Variants in CFAP157 observed in about 807,000 individuals in gnomAD.
CFAP157 encodes the protein cilia and flagella associated protein 157.
A neutral mutation model predicts 57.8 loss-of-function variants in CFAP157; 43 were observed. That is an observed-to-expected ratio of 0.74 (90% confidence interval 0.58 to 0.96). The LOEUF (loss-of-function observed/expected upper bound fraction) is 0.96, where lower values mean the gene tolerates loss of function less well. CFAP157 is among the 40% of genes least tolerant of loss of function. The pLI, the probability that CFAP157 is intolerant of heterozygous loss-of-function variation, is 0.00. For missense variants in CFAP157, 606 were observed against 655.3 expected (o/e 0.92, Z 0.82); for synonymous variants, 267 against 269.0 (o/e 0.99, Z 0.07).
chr9:127,713,293 C>A, intron 8 of CFAP157, 87 bp downstream of exon 8: 1 of 1,026,920 alleles, frequency 9.7e-7, no homozygotes, highest in Non-Finnish European at 1.4e-6. Flanking sequence ...AGCTGTGTGG[C>A]CCTGGGGATG....
chr9:127,707,323 C>A, intron 1 of CFAP157, 131 bp downstream of exon 1: 1 of 897,072 alleles, frequency 1.1e-6, no homozygotes, highest in Non-Finnish European at 1.6e-6. Context: ...AGACCCCATC[C>A]CGACCCCAGC....
intron 3 of CFAP157, 145 bp from the exon 4 acceptor site, chr9:127,711,084 C>T (rs1009814169): frequency 1.5e-5 from 15 of 1,003,698 alleles, no homozygotes; most frequent in Non-Finnish European, 1.9e-5. Flanking sequence ...ACAGGGAAAG[C>T]CTCCCACCCA....
At chr9:127,708,795 A>G (rs1447683875) in intron 1 of CFAP157, among the ~76,000 whole-genome samples, 1 of 152,264 alleles carries the variant, frequency 6.6e-6, no homozygotes, top group Non-Finnish European at 1.5e-5. Context: ...AATGTGGCTC[A>G]GGGCCAAGAA....
chr9:127,713,251 C>G (rs773251319), intron 8 of CFAP157, 45 bp downstream of exon 8: 12 of 1,421,816 alleles, frequency 8.4e-6, no homozygotes, highest in Non-Finnish European at 1.1e-5. Flanking sequence ...GGCAGCTAGT[C>G]CTGGGTACAA....
intron 3 of CFAP157, 73 bp from the exon 4 acceptor site, chr9:127,711,156 A>G: frequency 6.5e-7 from 1 of 1,547,544 alleles, no homozygotes; most frequent in Non-Finnish European, 8.7e-7. Flanking sequence ...TGCTCTGGGA[A>G]CCTCACAAAG....
rs1412180895 is a variant in CFAP157 at position 127,714,843 on chromosome 9, C to G, written c.*938C>G. 3 of 1,030,192 alleles carry G rather than the reference C, an allele frequency of 2.9e-6. No homozygotes were observed. In the East Asian group the frequency reaches 7.8e-5, roughly 27 times the overall value. The allele number at this position is 1,030,192 out of a possible 1,614,324, so 63.8% of individuals were successfully genotyped here. On this transcript the variant is annotated 3_prime_UTR_variant, in exon 9 of 9. Coordinates refer to ENST00000373295, the MANE Select transcript of CFAP157 (RefSeq NM_001012502.3). Reference sequence around the variant, plus strand: ...GCCCCCCGAAGTACCCAAAGCCATGCAGCAACTGGAGCTCAACAGGTACTT... The same window carrying G: ...GCCCCCCGAAGTACCCAAAGCCATGGAGCAACTGGAGCTCAACAGGTACTT...
rs1240872337 is a variant in CFAP157 at position 127,713,177 on chromosome 9, G to T, written c.1462G>T (p.Gly488Trp). Residue 488 changes from glycine (G) to tryptophan (W), a missense_variant, in exon 8 of 9, where the codon GGG becomes TGG. Coordinates refer to ENST00000373295, the MANE Select transcript of CFAP157 (RefSeq NM_001012502.3). ...LRLLSYITRV[G>W]TFRAHSSPEM... ...GCTGCTGTCATATATCACCCGTGTG[G>T]GGACCTTCCGGGCACACAGCAGCCC... is the stretch of plus-strand genomic sequence containing the variant. 1 of 1,570,454 alleles carries T rather than the reference G, an allele frequency of 6.4e-7. No individual in the cohort carries two copies. The highest frequency in any genetic ancestry group is 8.6e-7 in the Non-Finnish European group (1 of 1,158,126).
At position 127,712,757 on chromosome 9, in the gene CFAP157, T is replaced by C. The variant is rs748178735; in HGVS notation, c.1186T>C (p.Trp396Arg). Residue 396 changes from tryptophan to arginine, a missense_variant, in exon 7 of 9, where the codon TGG (tryptophan) becomes CGG (arginine). Trp to Arg is a moderately radical substitution (Grantham distance 101, BLOSUM62 -3). Coordinates refer to ENST00000373295, the MANE Select transcript of CFAP157 (RefSeq NM_001012502.3). ...TGACGTTGACGTGACGTTCCAGCCA[T>C]GGCACAAGGAGATGCTGCAGCAACT... ...DSDVDVTFQP[W>R]HKEMLQQLLV... 58 of 1,614,066 alleles carry C rather than the reference T, an allele frequency of 3.6e-5. No individual in the cohort carries two copies. Among genetic ancestry groups the C allele is most frequent in the Non-Finnish European group, 4.2e-5 (50 of 1,180,042 alleles).
In CFAP157 at chr9:127,714,941, G is replaced by GCCCCCCCCCCCCCCCCCCCCC; in HGVS notation, c.*1039_*1040insCCCCCCCCCCCCCCCCCCCCC. The GCCCCCCCCCCCCCCCCCCCCC allele has an allele frequency of 6.7e-6, 3 of 446,380 alleles. No individual in the cohort carries two copies. Among genetic ancestry groups the GCCCCCCCCCCCCCCCCCCCCC allele is most frequent in the Non-Finnish European group, 1.2e-5 (3 of 246,456 alleles). 27.7% of individuals were successfully genotyped at this position (446,380 alleles called of 1,614,324 possible). ...CCGCGCCCCAACCCCCACCCCCTTG[G>GCCCCCCCCCCCCCCCCCCCCC]CCCGCCCGCCCACCCCTGGCGCTCT... On this transcript the variant is annotated 3_prime_UTR_variant, in exon 9 of 9. Coordinates refer to ENST00000373295, the MANE Select transcript of CFAP157 (RefSeq NM_001012502.3).
intron 5 of CFAP157, 31 bp from the exon 6 acceptor site, chr9:127,712,168 A>C (rs747411916): frequency 5.0e-6 from 8 of 1,612,080 alleles, no homozygotes; most frequent in Non-Finnish European, 6.8e-6. Flanking sequence ...GGAAGGGGGA[A>C]GGCTGTTGAC....
Position 127,714,754 on chromosome 9 carries a change from C to A in CFAP157, c.*849C>A, listed in dbSNP as rs371304698. On this transcript the variant is annotated 3_prime_UTR_variant, in exon 9 of 9. Coordinates refer to ENST00000373295, the MANE Select transcript of CFAP157 (RefSeq NM_001012502.3). ...GTTACTGCCCATCTGCCCAGAGAGG[C>A]ACTGTCCCGACTCCCATGATGAGGG... 2 of 1,466,432 alleles carry A rather than the reference C, an allele frequency of 1.4e-6. No homozygotes were observed. The highest frequency in any genetic ancestry group is 1.2e-5 in the South Asian group (1 of 84,344). The allele number at this position is 1,466,432 out of a possible 1,614,324, so 90.8% of individuals were successfully genotyped here.
chr9:127,709,748 G>A lies in CFAP157; in HGVS notation c.433+55G>A. The A allele has an allele frequency of 1.3e-6, 2 of 1,563,592 alleles. No individual in the cohort carries two copies. The highest frequency in any genetic ancestry group is 1.4e-5 in the African/African-American group (1 of 73,552). On this transcript the variant is annotated intron_variant, in intron 2 of 8. Transcript: ENST00000373295. The surrounding 1 kb of genome is among the most constrained non-coding windows in gnomAD (Gnocchi z 4.7). Reference sequence around the variant, plus strand: ...AGGCACACATCCCAGCTCTATCACTGACCCTGTTTCTCACCTGGGAAACAG... The same window carrying A: ...AGGCACACATCCCAGCTCTATCACTAACCCTGTTTCTCACCTGGGAAACAG...
rs759084414 is a variant in CFAP157, at chr9:127,715,628, G to T, written c.*1723G>T. 1.7e-5 allele frequency: 28 copies of T among 1,612,038 alleles called. No homozygotes were observed. The highest frequency in any genetic ancestry group is 2.3e-5 in the Non-Finnish European group (27 of 1,179,874). On this transcript the variant is annotated 3_prime_UTR_variant, in exon 9 of 9. Transcript: ENST00000373295. The surrounding 1 kb of genome is among the most constrained non-coding windows in gnomAD (Gnocchi z 5.8). ...GCCGCTGTCCGGCGCCCAAAAAGCC[G>T]CCCGGCCTCATGCTGCCCCCATTCA...
intron 1 of CFAP157, among the ~76,000 whole-genome samples, chr9:127,708,513 A>T (rs1842696558): frequency 6.6e-6 from 1 of 152,176 alleles, no homozygotes. Flanking sequence ...ATTAAAAAAA[A>T]CTTTTCAAGT....
intron 8 of CFAP157, chr9:127,713,569 C>G: frequency 3.1e-6 from 1 of 323,068 alleles, no homozygotes. Context: ...TGCAGTGCCA[C>G]AATCTCAGCT....
Position 127,709,276 on chromosome 9 carries a change from T to C in CFAP157, c.162-146T>C, listed in dbSNP as rs1842710297. 6.6e-6 allele frequency: 5 copies of C among 758,480 alleles called. No individual in the cohort carries two copies. The highest frequency in any genetic ancestry group is 8.5e-6 in the Non-Finnish European group (4 of 471,516). 47.0% of individuals were successfully genotyped at this position (758,480 alleles called of 1,614,324 possible). A position where few individuals can be genotyped will look rare whatever the true frequency, so the allele number is the denominator to read the frequency against. On this transcript the variant is annotated intron_variant, in intron 1 of 8. Transcript: ENST00000373295. This position sits in a 1 kb window ranked among gnomAD's most constrained non-coding sequence, Gnocchi z 4.7. ...GTCATGACTGTCGGACCAAGGGGCA[T>C]AGTGGGAGATGAGGCTGGATTCTGA...
chr9:127,715,203 G>T lies in CFAP157; in HGVS notation c.*1298G>T. 2 of 1,525,112 alleles carry T rather than the reference G, an allele frequency of 1.3e-6. No homozygotes were observed. The highest frequency in any genetic ancestry group is 1.8e-6 in the Non-Finnish European group (2 of 1,139,682). The allele number at this position is 1,525,112 out of a possible 1,614,324, so 94.5% of individuals were successfully genotyped here. A position where few individuals can be genotyped will look rare whatever the true frequency, so the allele number is the denominator to read the frequency against. On this transcript the variant is annotated 3_prime_UTR_variant, in exon 9 of 9. Transcript: ENST00000373295. This position sits in a 1 kb window ranked among gnomAD's most constrained non-coding sequence, Gnocchi z 5.8. ...TTCCCCAGGCCAGCCACCTGCGGGC[G>T]GCACCAGGGAAACTGAGGCCCAACA...
chr9:127,709,341 T>C lies in CFAP157; in HGVS notation c.162-81T>C. ...AAATGCCCCTTTACGGGACAGGGAG[T>C]CCAGGAGAGTGGGCCCAGCTGCACC... On this transcript the variant is annotated intron_variant, in intron 1 of 8. Coordinates refer to ENST00000373295, the MANE Select transcript of CFAP157 (RefSeq NM_001012502.3). This position sits in a 1 kb window ranked among gnomAD's most constrained non-coding sequence, Gnocchi z 4.7. 1.1e-5 allele frequency: 16 copies of C among 1,448,148 alleles called. No individual in the cohort carries two copies. Among genetic ancestry groups the C allele is most frequent in the Non-Finnish European group, 1.5e-5 (16 of 1,063,876 alleles). 89.7% of individuals were successfully genotyped at this position (1,448,148 alleles called of 1,614,324 possible).
Position 127,707,170 on chromosome 9 carries a change from G to T in CFAP157, c.139G>T (p.Asp47Tyr). Residue 47 changes from aspartate (D) to tyrosine (Y), a missense_variant, in exon 1 of 9, where the codon GAC (aspartate) becomes TAC (tyrosine). Coordinates refer to ENST00000373295, the MANE Select transcript of CFAP157 (RefSeq NM_001012502.3). Reference protein sequence around the residue: ...MKEFYHIQIRDLEDRLARYQR... With the variant: ...MKEFYHIQIRYLEDRLARYQR... ...GGAGTTCTACCACATCCAGATCCGA[G>T]ACCTGGAGGACCGGCTAGCCCGGTG... 6.2e-7 allele frequency: 1 copy of T among 1,612,980 alleles called. No individual in the cohort carries two copies. The highest frequency in any genetic ancestry group is 1.1e-5 in the South Asian group (1 of 91,068).
Sources: allele counts gnomAD v4.1 joint callset (sites outside exome capture counted in the v4.1 genomes callset), GRCh38; gene constraint gnomAD v4.1.1; non-coding constraint Gnocchi (gnomAD v3.1); transcripts MANE v1.5; gene names NCBI Gene and HGNC (gene_info 2026-07-23, HGNC 2026-07-21).